Variants in CCDC33 observed in about 807,000 individuals in gnomAD.
CCDC33 encodes the protein coiled-coil domain containing 33, also known as coiled-coil domain-containing protein 33.
CCDC33 carries 94 observed loss-of-function variants against 91.9 expected under a neutral mutation model. The observed-to-expected ratio is 1.02, with a 90% CI of 0.87 to 1.21. The LOEUF is 1.21. CCDC33 is among the 50% of genes most tolerant of loss of function. The pLI is 0.00. For synonymous variants in CCDC33, 396 were observed against 374.5 expected (o/e 1.06, Z -0.66); for missense variants, 940 against 935.5 (o/e 1.00, Z -0.06).
chr15:74,327,137 C>T (rs369680008), intron 11 of CCDC33, among the ~76,000 whole-genome samples: 4 of 152,258 alleles, frequency 2.6e-5, no homozygotes, highest in South Asian at 4.1e-4. Context: ...GGGGAGCCCT[C>T]TCTCTCAGAG....
At chr15:74,204,094 A>G (rs904047477) in intron 1 of CCDC33, among the ~76,000 whole-genome samples, 3 of 152,226 alleles carry the variant, frequency 2.0e-5, no homozygotes, top group African/African-American at 4.8e-5. Flanking sequence ...TCTTGCAGGA[A>G]GAGGGCTCTG....
intron 3 of CCDC33, 110 bp from the exon 4 acceptor site, chr15:74,266,568 C>A: frequency 1.3e-6 from 1 of 769,060 alleles, no homozygotes; most frequent in Non-Finnish European, 2.3e-6. Context: ...CTCAGTGTGG[C>A]CCCTGCTCCC....
At chr15:74,279,309 G>T (rs1476558801) in intron 7 of CCDC33, among the ~76,000 whole-genome samples, 1 of 152,138 alleles carries the variant, frequency 6.6e-6, no homozygotes, top group Non-Finnish European at 1.5e-5. Context: ...AGCTTTCTGT[G>T]ACTTTGGATC....
chr15:74,223,436 G>A (rs954347648), intron 2 of CCDC33, among the ~76,000 whole-genome samples: 1 of 152,118 alleles, frequency 6.6e-6, no homozygotes, highest in Non-Finnish European at 1.5e-5. Context: ...ACCAAACACA[G>A]AGGACTGGAG....
At chr15:74,269,603 AC>A (rs1170548878) in intron 5 of CCDC33, among the ~76,000 whole-genome samples, 1 of 152,106 alleles carries the variant, frequency 6.6e-6, no homozygotes, top group Non-Finnish European at 1.5e-5. Context: ...CCCAGGCCGC[AC>A]CCCACAGGGA....
intron 10 of CCDC33, among the ~76,000 whole-genome samples, chr15:74,295,035 G>A (rs1180405261): frequency 6.6e-6 from 1 of 152,230 alleles, no homozygotes; most frequent in Non-Finnish European, 1.5e-5. Flanking sequence ...TCTGCTTAAT[G>A]GGTGGTAAGA....
intron 2 of CCDC33, among the ~76,000 whole-genome samples, chr15:74,211,824 C>G (rs1183346938): frequency 1.3e-5 from 2 of 151,996 alleles, no homozygotes; most frequent in Non-Finnish European, 2.9e-5. Context: ...GACTCAGTCT[C>G]CCTCCTTTCC....
intron 10 of CCDC33, among the ~76,000 whole-genome samples, chr15:74,295,252 A>G (rs1177930992): frequency 1.3e-5 from 2 of 152,208 alleles, no homozygotes; most frequent in African/African-American, 4.8e-5. Context: ...CTGACATGGG[A>G]CTCACATCCT....
Position 74,279,817 on chromosome 15 carries a change from G to A in CCDC33, c.760-146G>A, listed in dbSNP as rs146272421. The A allele has an allele frequency of 3.0e-4, 323 of 1,091,768 alleles. 2 individuals are homozygous for A. In the African/African-American group the frequency reaches 4.6e-3, roughly 15 times the overall value. 67.6% of individuals were successfully genotyped at this position (1,091,768 alleles called of 1,614,324 possible). On this transcript the variant is annotated intron_variant, in intron 7 of 18. Transcript: ENST00000398814. ...CTCCCGAAGTGCTGGAATTACAGGC[G>A]TGAGCCACTGTGCCCAGCCAGCTTG...
chr15:74,218,840 G>C lies in CCDC33; in HGVS notation c.654G>C (p.Glu218Asp). ...CAGAACTGATGTCACCATGCCCAGAGCCCCAGCTCCCCATACTGCAGGTGG... is the reference window on the plus strand; with the variant it reads ...CAGAACTGATGTCACCATGCCCAGACCCCCAGCTCCCCATACTGCAGGTGG... Residue 218 changes from glutamate to aspartate, a missense_variant, in exon 2 of 3, where the codon GAG (glutamate) becomes GAC (aspartate). Transcript: ENST00000635913. This position sits in a 1 kb window ranked among gnomAD's most constrained non-coding sequence, Gnocchi z 4.8. The C allele has an allele frequency of 8.0e-7, 1 of 1,249,452 alleles. No homozygotes were observed. The highest frequency in any genetic ancestry group is 1.0e-6 in the Non-Finnish European group (1 of 967,664). 77.4% of individuals were successfully genotyped at this position (1,249,452 alleles called of 1,614,324 possible).
At position 74,279,990 on chromosome 15, in the gene CCDC33, C is replaced by A. The variant is rs977285629; in HGVS notation, c.787C>A (p.Gln263Lys). ...QLSKPGGPPE[Q>K]PLWNQSFLFQ... ...GTCCAAGCCTGGGGGACCCCCAGAGCAGCCCCTGTGGAATCAGTCCTTCCT... is the reference window on the plus strand; with the variant it reads ...GTCCAAGCCTGGGGGACCCCCAGAGAAGCCCCTGTGGAATCAGTCCTTCCT... Residue 263 changes from glutamine to lysine, a missense_variant, in exon 8 of 19, where the codon CAG (glutamine) becomes AAG (lysine). Coordinates refer to ENST00000398814, the MANE Select transcript of CCDC33 (RefSeq NM_025055.5). 1 of 1,614,000 alleles carries A rather than the reference C, an allele frequency of 6.2e-7. No homozygotes were observed. Among genetic ancestry groups the A allele is most frequent in the African/African-American group, 1.3e-5 (1 of 74,930 alleles).
At chr15:74,208,082 A>T (rs1443590603) in intron 1 of CCDC33, 2 of 1,219,670 alleles carry the variant, frequency 1.6e-6, no homozygotes, top group Non-Finnish European at 2.1e-6. Flanking sequence ...CTGTTCTGGT[A>T]TGAGGGTGGA....
rs2060412842 is a variant in CCDC33 at position 74,330,677 on chromosome 15, A to T, written c.1471A>T (p.Lys491Ter). 5.6e-6 allele frequency: 9 copies of T among 1,613,516 alleles called. No individual in the cohort carries two copies. Among genetic ancestry groups the T allele is most frequent in the Non-Finnish European group, 6.8e-6 (8 of 1,179,898 alleles). The change falls in exon 13 of 19, where the codon AAA (lysine) becomes TAA (stop). Residue 491 changes from lysine to a stop codon, truncating the protein, a stop_gained. Transcript: ENST00000398814. LOFTEE classifies it high-confidence loss of function. ...CCACCTAACAGTGTCCATGAAGCAG[A>T]AACTGCTGCTGAGTGAGCTGGATAT... is the stretch of plus-strand genomic sequence containing the variant. ...EAQNTVSMKQ[K>*]LLLSELDMKK...
chr15:74,305,099 A>T (rs1048509129), intron 11 of CCDC33, among the ~76,000 whole-genome samples: 1 of 152,078 alleles, frequency 6.6e-6, no homozygotes, highest in Non-Finnish European at 1.5e-5. Flanking sequence ...GACACCTGCC[A>T]CCATGCCCAG....
At chr15:74,205,990 G>A (rs2074253343) in intron 1 of CCDC33, among the ~76,000 whole-genome samples, 1 of 152,218 alleles carries the variant, frequency 6.6e-6, no homozygotes, top group Non-Finnish European at 1.5e-5. Flanking sequence ...GGTTGGGGAG[G>A]CCACCTAGCC....
At chr15:74,314,640 T>C (rs1454368772) in intron 11 of CCDC33, among the ~76,000 whole-genome samples, 1 of 152,144 alleles carries the variant, frequency 6.6e-6, no homozygotes, top group Admixed American at 6.5e-5. Flanking sequence ...ACTGGCATCA[T>C]GACGAGCCCT....
rs980177319 is a variant in CCDC33, at chr15:74,271,907, A to G, written c.638+113A>G. On this transcript the variant is annotated intron_variant, in intron 6 of 18. Transcript: ENST00000398814. ...TTCCAGGACCTCCGGCAACCCCTCT[A>G]CCCCTAAGGCCCTTCAAGCCTCTCC... 8 of 820,578 alleles carry G rather than the reference A, an allele frequency of 9.7e-6. No individual in the cohort carries two copies. The African/African-American group carries it at 1.2e-4, about 12-fold the overall frequency. 50.8% of individuals were successfully genotyped at this position (820,578 alleles called of 1,614,324 possible). A position where few individuals can be genotyped will look rare whatever the true frequency, so the allele number is the denominator to read the frequency against.
chr15:74,258,952 G>A (rs2075950296), intron 2 of CCDC33, among the ~76,000 whole-genome samples: 1 of 152,180 alleles, frequency 6.6e-6, no homozygotes, highest in South Asian at 2.1e-4. Context: ...ACTGGAGTTT[G>A]TCAAAGACAC....
chr15:74,298,689 G>C (rs936467104), intron 11 of CCDC33, among the ~76,000 whole-genome samples: 6 of 147,646 alleles, frequency 4.1e-5, no homozygotes, highest in Middle Eastern at 3.7e-3. Flanking sequence ...ACAGGCATTC[G>C]ACACCCTGGC....
Sources: allele counts gnomAD v4.1 joint callset (sites outside exome capture counted in the v4.1 genomes callset), GRCh38; gene constraint gnomAD v4.1.1; non-coding constraint Gnocchi (gnomAD v3.1); transcripts MANE v1.5; gene names NCBI Gene and HGNC (gene_info 2026-07-23, HGNC 2026-07-21).